The following PAPPA2 variants were observed in gnomAD, a reference collection of about 807,000 sequenced individuals.
The protein encoded by PAPPA2 is pappalysin 2, also known as pappalysin-2.
In PAPPA2, 86 loss-of-function variants were observed where a neutral mutation model predicts 176.4. That is an observed-to-expected ratio of 0.49 (90% confidence interval 0.41 to 0.58). The LOEUF is 0.58. PAPPA2 is among the 20% of genes least tolerant of loss of function. The probability of loss-of-function intolerance (pLI) is 0.00; values close to 1 mark genes in which losing one functional copy is unlikely to be tolerated. For synonymous variants in PAPPA2, 809 were observed against 852.2 expected (o/e 0.95, Z 0.88); for missense variants, 2,073 against 2,256.9 (o/e 0.92, Z 1.65).
At chr1:176,791,906 T>A (rs1193636848) in intron 19 of PAPPA2, among the ~76,000 whole-genome samples, 1 of 152,208 alleles carries the variant, frequency 6.6e-6, no homozygotes, top group Non-Finnish European at 1.5e-5. Context: ...GCAAGTTGAC[T>A]CTTAGCTGCT....
intron 14 of PAPPA2, among the ~76,000 whole-genome samples, chr1:176,757,416 G>T (rs567620905): frequency 4.6e-5 from 7 of 152,126 alleles, no homozygotes; most frequent in African/African-American, 9.7e-5. Flanking sequence ...GCGTGAGATG[G>T]TATCTCATTG....
intron 21 of PAPPA2, among the ~76,000 whole-genome samples, chr1:176,808,825 A>T (rs1364926173): frequency 1.3e-5 from 2 of 152,210 alleles, no homozygotes; most frequent in African/African-American, 4.8e-5. Flanking sequence ...GAAAAAATCA[A>T]AAGAAGTGAG....
At chr1:176,752,724 C>T (rs1663240900) in intron 14 of PAPPA2, among the ~76,000 whole-genome samples, 1 of 152,138 alleles carries the variant, frequency 6.6e-6, no homozygotes, top group Admixed American at 6.5e-5. Flanking sequence ...AATTAGTCAT[C>T]CAAATGACAC....
intron 1 of PAPPA2, among the ~76,000 whole-genome samples, chr1:176,476,182 C>G (rs1378730590): frequency 1.3e-5 from 2 of 152,154 alleles, no homozygotes; most frequent in African/African-American, 2.4e-5. Context: ...AAGAAAGCCC[C>G]TGTCTCTCTC....
chr1:176,696,198 A>G (rs1660374058), intron 7 of PAPPA2, among the ~76,000 whole-genome samples: 1 of 150,958 alleles, frequency 6.6e-6, no homozygotes, highest in Admixed American at 6.6e-5. Context: ...ACGTGTGCCT[A>G]CTGGTCCTTG....
At chr1:176,706,244 T>C (rs1301334268) in intron 9 of PAPPA2, 115 bp from the exon 10 acceptor site, 1 of 834,010 alleles carries the variant, frequency 1.2e-6, no homozygotes, top group Non-Finnish European at 1.9e-6. Flanking sequence ...CCTACTTTTT[T>C]CCAACTTGCA....
intron 4 of PAPPA2, among the ~76,000 whole-genome samples, chr1:176,685,080 C>T (rs12132938): frequency 0.065 from 9,903 of 151,402 alleles, 353 homozygotes; most frequent in South Asian, 0.14. Context: ...CAGGCCCCAC[C>T]TTCCTTTTTT....
At chr1:176,565,222 T>C (rs954438918) in intron 2 of PAPPA2, among the ~76,000 whole-genome samples, 12 of 152,316 alleles carry the variant, frequency 7.9e-5, no homozygotes, top group Admixed American at 2.6e-4. Flanking sequence ...TTATGAACAT[T>C]GTGCACAAGT....
At position 176,771,168 on chromosome 1, in the gene PAPPA2, G is replaced by A. The variant is rs1664207634; in HGVS notation, c.4703G>A (p.Gly1568Asp). 3.7e-6 allele frequency: 6 copies of A among 1,614,012 alleles called. No individual in the cohort carries two copies. The highest frequency in any genetic ancestry group is 4.2e-6 in the Non-Finnish European group (5 of 1,179,980). The change falls in exon 17 of 23, where the codon GGT becomes GAT. Residue 1568 changes from glycine (G) to aspartate (D), a missense_variant. By Grantham distance (94) the Gly-to-Asp change is moderately conservative. Transcript: ENST00000367662. Reference sequence around the variant, plus strand: ...TACTATGTGGCAGAAAGTGCAGAGGGTAAAGTCAGGAAGTAAGTTGAATGT... The same window carrying A: ...TACTATGTGGCAGAAAGTGCAGAGGATAAAGTCAGGAAGTAAGTTGAATGT... ...PGYYVAESAE[G>D]KVRNKLLKIQ...
chr1:176,569,195 T>G (rs529398791), intron 2 of PAPPA2, among the ~76,000 whole-genome samples: 1 of 152,290 alleles, frequency 6.6e-6, no homozygotes, highest in East Asian at 1.9e-4. Flanking sequence ...ACAATCATGC[T>G]CTCACACCAT....
chr1:176,522,061 A>G (rs1649242456), intron 1 of PAPPA2, among the ~76,000 whole-genome samples: 1 of 152,302 alleles, frequency 6.6e-6, no homozygotes, highest in Non-Finnish European at 1.5e-5. Flanking sequence ...ACCTAGATCC[A>G]AACTCTGGCT....
At chr1:176,608,145 C>T (rs1175945348) in intron 3 of PAPPA2, among the ~76,000 whole-genome samples, 1 of 152,102 alleles carries the variant, frequency 6.6e-6, no homozygotes, top group African/African-American at 2.4e-5. Flanking sequence ...ATATTTCTTA[C>T]AATGGGAATC....
rs375011994 is a variant in PAPPA2 at position 176,556,411 on chromosome 1, G to T, written c.89G>T (p.Arg30Leu). ...GCCAACTCTGAGCTGGGCTGGACACGCAAGAAATCCTTGGTTGAGAGGGAA... is the reference window on the plus strand; with the variant it reads ...GCCAACTCTGAGCTGGGCTGGACACTCAAGAAATCCTTGGTTGAGAGGGAA... ...CSANSELGWT[R>L]KKSLVEREHL... The change falls in exon 2 of 23, where the codon CGC becomes CTC. Residue 30 changes from arginine (R) to leucine (L), a missense_variant. Arg to Leu is a moderately radical substitution (Grantham distance 102). Coordinates refer to ENST00000367662, the MANE Select transcript of PAPPA2 (RefSeq NM_020318.3). 5.0e-6 allele frequency: 8 copies of T among 1,614,072 alleles called. No individual in the cohort carries two copies. The highest frequency in any genetic ancestry group is 1.3e-5 in the African/African-American group (1 of 74,918).
At chr1:176,829,844 G>C (rs961144558) in intron 21 of PAPPA2, among the ~76,000 whole-genome samples, 1 of 152,234 alleles carries the variant, frequency 6.6e-6, no homozygotes, top group Non-Finnish European at 1.5e-5. Context: ...TGGCCACCTA[G>C]AGAGGTGACC....
chr1:176,600,459 G>A (rs1265593823), intron 3 of PAPPA2, among the ~76,000 whole-genome samples: 4 of 151,650 alleles, frequency 2.6e-5, no homozygotes, highest in African/African-American at 9.7e-5. Context: ...GGCGGATCAC[G>A]AGGTCAGGAG....
chr1:176,464,819 T>G (rs1651539504), intron 1 of PAPPA2, among the ~76,000 whole-genome samples: 1 of 152,192 alleles, frequency 6.6e-6, no homozygotes, highest in Admixed American at 6.5e-5. Context: ...TAGAAGTTAC[T>G]GTAGAAAGTT....
At chr1:176,494,495 T>G (rs977618513) in intron 1 of PAPPA2, among the ~76,000 whole-genome samples, 1 of 152,194 alleles carries the variant, frequency 6.6e-6, no homozygotes, top group Non-Finnish European at 1.5e-5. Context: ...GGGATTACAT[T>G]TGCAACTTGC....
chr1:176,826,662 T>C (rs1242395549), intron 21 of PAPPA2, among the ~76,000 whole-genome samples: 2 of 152,220 alleles, frequency 1.3e-5, no homozygotes, highest in East Asian at 1.9e-4. Context: ...AACAAGACTA[T>C]TGGCAAGAAA....
intron 3 of PAPPA2, among the ~76,000 whole-genome samples, chr1:176,624,456 T>C (rs939463870): frequency 2.6e-5 from 4 of 152,252 alleles, no homozygotes; most frequent in African/African-American, 9.6e-5. Flanking sequence ...ATTGTTTTAG[T>C]GATCAGAATA....
Sources: gnomAD v4.1 joint callset for allele counts (sites outside exome capture counted in the v4.1 genomes callset) on GRCh38, gnomAD v4.1.1 for gene constraint, MANE v1.5 for transcripts, NCBI Gene and HGNC (gene_info 2026-07-23, HGNC 2026-07-21) for gene names.